The following C20orf203 variants were observed in gnomAD, a reference collection of about 807,000 sequenced individuals.
C20orf203 encodes the protein uncharacterized protein C20orf203.
In C20orf203, 16 loss-of-function variants were observed where a neutral mutation model predicts 15.9. The observed-to-expected ratio is 1.01, with a 90% CI of 0.68 to 1.53. C20orf203 has a LOEUF of 1.53. Among genes scored for constraint, C20orf203 ranks in the 40% most tolerant of loss-of-function variants. The pLI is 0.00. For missense variants in C20orf203, 263 were observed against 247.5 expected, an observed-to-expected ratio of 1.06 and a Z score of -0.42; for synonymous variants, 98 against 97.2, an observed-to-expected ratio of 1.01 and a Z score of -0.05.
intron 1 of C20orf203, among the ~76,000 whole-genome samples, chr20:32,653,035 C>T (rs774973456): frequency 1.2e-4 from 18 of 152,214 alleles, no homozygotes; most frequent in Non-Finnish European, 2.5e-4. Flanking sequence ...GGAAAATAGG[C>T]GCTGCTCTCA....
Position 32,632,695 on chromosome 20 carries a change from A to T in C20orf203, c.*2875T>A, listed in dbSNP as rs1314670914. 6.6e-6 allele frequency: 1 copy of T among 152,228 alleles called. No homozygotes were observed. The highest frequency in any genetic ancestry group is 1.9e-4 in the East Asian group (1 of 5,174). The allele number at this position is 152,228 out of a possible 1,614,324, so 9.4% of individuals were successfully genotyped here. On this transcript the variant is annotated 3_prime_UTR_variant, in exon 6 of 6. Coordinates refer to ENST00000608990, the MANE Select transcript of C20orf203 (RefSeq NM_182584.4). ...AAGTCTTTAGTATTCATGTAACCAG[A>T]TCTAGAATTCTGGCTCCATGGTTTT...
At chr20:32,657,974 A>C (rs1397627528) in intron 1 of C20orf203, 1 of 152,110 alleles carries the variant, frequency 6.6e-6, no homozygotes, top group Non-Finnish European at 1.5e-5. Context: ...CAAACCTAAA[A>C]AAAAAAAAAG....
chr20:32,660,514 A>G (rs1330956100), intron 1 of C20orf203, among the ~76,000 whole-genome samples: 1 of 152,226 alleles, frequency 6.6e-6, no homozygotes, highest in Non-Finnish European at 1.5e-5. Flanking sequence ...ATGACCTGCC[A>G]GGCACTGACT....
Position 32,633,373 on chromosome 20 carries a change from G to A in C20orf203, c.*2197C>T, listed in dbSNP as rs1357983950. 4 of 152,206 alleles carry A rather than the reference G, an allele frequency of 2.6e-5. No individual in the cohort carries two copies. The highest frequency in any genetic ancestry group is 2.0e-4 in the Admixed American group (3 of 15,300). 9.4% of individuals were successfully genotyped at this position (152,206 alleles called of 1,614,324 possible). A position where few individuals can be genotyped will look rare whatever the true frequency, so the allele number is the denominator to read the frequency against. On this transcript the variant is annotated 3_prime_UTR_variant, in exon 6 of 6. Transcript: ENST00000608990. Reference sequence around the variant, plus strand: ...ACTCTAGGAGGACAATGATCATATAGTAAGTGTCTCCTCTGTGCCTGCCCC... The same window carrying A: ...ACTCTAGGAGGACAATGATCATATAATAAGTGTCTCCTCTGTGCCTGCCCC...
intron 1 of C20orf203, among the ~76,000 whole-genome samples, chr20:32,664,101 C>G (rs1982962600): frequency 6.6e-6 from 1 of 152,194 alleles, no homozygotes; most frequent in South Asian, 2.1e-4. Context: ...TCTCAGCCTC[C>G]CCATGTGGGA....
chr20:32,634,852 T>C lies in C20orf203; in HGVS notation c.*1300-582A>G, dbSNP rs1472738005. ...TATTAGGAAGAAATGTGTCAAATGC[T>C]TCACAGTGGTTATCTCTGGTGATGG... On this transcript the variant is annotated intron_variant, in intron 5 of 5. Coordinates refer to ENST00000608990, the MANE Select transcript of C20orf203 (RefSeq NM_182584.4). 2.6e-5 allele frequency among the ~76,000 whole-genome samples: 4 copies of C among 152,226 alleles called. No individual in the cohort carries two copies. The South Asian group carries it at 8.3e-4, about 31-fold the overall frequency.
In C20orf203 at chr20:32,662,375, G is replaced by A. The variant is rs187041263; in HGVS notation, c.-263-10394C>T. Reference sequence around the variant, plus strand: ...GCACTTTGGGAGGTCAAGGGGGCAGGCAGATCACCTGAGGTCCAGAGTTCA... The same window carrying A: ...GCACTTTGGGAGGTCAAGGGGGCAGACAGATCACCTGAGGTCCAGAGTTCA... On this transcript the variant is annotated intron_variant, in intron 1 of 5. Transcript: ENST00000608990. 5.9e-5 allele frequency among the ~76,000 whole-genome samples: 9 copies of A among 152,284 alleles called. No individual in the cohort carries two copies. In the East Asian group the frequency reaches 1.7e-3, roughly 29 times the overall value.
At chr20:32,661,115 G>A (rs1205541510) in intron 1 of C20orf203, among the ~76,000 whole-genome samples, 1 of 152,146 alleles carries the variant, frequency 6.6e-6, no homozygotes, top group African/African-American at 2.4e-5. Flanking sequence ...GAGACCCACT[G>A]TGCGGGAGGC....
chr20:32,653,233 G>A (rs1332969763), intron 1 of C20orf203, among the ~76,000 whole-genome samples: 1 of 152,164 alleles, frequency 6.6e-6, no homozygotes, highest in African/African-American at 2.4e-5. Flanking sequence ...GAAAACCAAG[G>A]CCCAGAGGGA....
At chr20:32,639,450 C>G (rs896526069) in intron 5 of C20orf203, among the ~76,000 whole-genome samples, 2 of 152,232 alleles carry the variant, frequency 1.3e-5, no homozygotes, top group Admixed American at 6.5e-5. Context: ...CCTCCCTGAG[C>G]CTCAGTTTCC....
chr20:32,651,304 G>T (rs770545115), intron 2 of C20orf203, 138 bp from the exon 3 acceptor site: 4 of 397,770 alleles, frequency 1.0e-5, no homozygotes, highest in Non-Finnish European at 1.8e-5. Flanking sequence ...AGCCATGATC[G>T]CCCCACTACA....
intron 1 of C20orf203, among the ~76,000 whole-genome samples, chr20:32,665,963 T>C (rs1040601678): frequency 6.6e-6 from 1 of 150,914 alleles, no homozygotes; most frequent in Non-Finnish European, 1.5e-5. Context: ...AAAACCACTT[T>C]TTTTAAAAGA....
At position 32,650,881 on chromosome 20, in the gene C20orf203, C is replaced by T. The variant is rs1362221767; in HGVS notation, c.136G>A (p.Ala46Thr). The T allele has an allele frequency of 2.1e-6, 3 of 1,449,892 alleles. No homozygotes were observed. The highest frequency in any genetic ancestry group is 1.5e-5 in the South Asian group (1 of 68,410). The allele number at this position is 1,449,892 out of a possible 1,614,324, so 89.8% of individuals were successfully genotyped here. A position where few individuals can be genotyped will look rare whatever the true frequency, so the allele number is the denominator to read the frequency against. Residue 46 changes from alanine (A) to threonine (T), a missense_variant and splice_region_variant, in exon 4 of 6, where the codon GCC becomes ACC. Transcript: ENST00000608990. ...GTGAGTCCAGCCAAGACTGATGTGG[C>T]CTGTTGGGAACAAGGCCCCCAAGAA... ...PFTKTGMLSR[A>T]TSVLAGLTAH...
At chr20:32,666,797 T>TTATA (rs34933326) in intron 1 of C20orf203, among the ~76,000 whole-genome samples, 1,427 of 65,556 alleles carry the variant, frequency 0.022, 98 homozygotes, top group East Asian at 0.069. Context: ...TAATTTTAAT[T>TTATA]TATATATATA....
rs553226542 is a variant in C20orf203 at position 32,633,781 on chromosome 20, A to G, written c.*1789T>C. 1.1e-5 allele frequency: 4 copies of G among 364,052 alleles called. No homozygotes were observed. Among genetic ancestry groups the G allele is most frequent in the Non-Finnish European group, 2.0e-5 (4 of 204,648 alleles). 22.6% of individuals were successfully genotyped at this position (364,052 alleles called of 1,614,324 possible). On this transcript the variant is annotated 3_prime_UTR_variant, in exon 6 of 6. Coordinates refer to ENST00000608990, the MANE Select transcript of C20orf203 (RefSeq NM_182584.4). ...GACTCCTCCGGCCAGTCGCCCTGAC[A>G]GCCCCCTCACCGCGTTGCACTACCT...
intron 1 of C20orf203, among the ~76,000 whole-genome samples, chr20:32,655,734 A>T (rs1183833761): frequency 6.6e-6 from 1 of 152,232 alleles, no homozygotes; most frequent in Non-Finnish European, 1.5e-5. Flanking sequence ...TGGAGGTTGC[A>T]GTGAGCCAAG....
At position 32,640,034 on chromosome 20, in the gene C20orf203, G is replaced by A. The variant is rs192281554; in HGVS notation, c.*1299+532C>T. 1.1e-3 allele frequency among the ~76,000 whole-genome samples: 166 copies of A among 152,288 alleles called. 1 individual carries two copies. Among genetic ancestry groups the A allele is most frequent in the African/African-American group, 3.8e-3 (157 of 41,540 alleles). On this transcript the variant is annotated intron_variant, in intron 5 of 5. Transcript: ENST00000608990. ...ACCCCAATTTATAAATGGAGAGACTGAGGCTCCAAGAGGTCCCACAGCCAG... is the reference window on the plus strand; with the variant it reads ...ACCCCAATTTATAAATGGAGAGACTAAGGCTCCAAGAGGTCCCACAGCCAG...
chr20:32,668,944 C>A (rs1983099350), intron 1 of C20orf203, among the ~76,000 whole-genome samples: 1 of 152,184 alleles, frequency 6.6e-6, no homozygotes, highest in African/African-American at 2.4e-5. Flanking sequence ...GGTGCCACGT[C>A]CACAGCTTGG....
Position 32,633,787 on chromosome 20 carries a change from C to T in C20orf203, c.*1783G>A, listed in dbSNP as rs1298760940. ...TCCGGCCAGTCGCCCTGACAGCCCC[C>T]TCACCGCGTTGCACTACCTGGTCCC... On this transcript the variant is annotated 3_prime_UTR_variant, in exon 6 of 6. Coordinates refer to ENST00000608990, the MANE Select transcript of C20orf203 (RefSeq NM_182584.4). 2.7e-6 allele frequency: 1 copy of T among 369,620 alleles called. No individual in the cohort carries two copies. Among genetic ancestry groups the T allele is most frequent in the African/African-American group, 2.1e-5 (1 of 48,008 alleles). 22.9% of individuals were successfully genotyped at this position (369,620 alleles called of 1,614,324 possible). A position where few individuals can be genotyped will look rare whatever the true frequency, so the allele number is the denominator to read the frequency against.
Sources: gnomAD v4.1 joint callset for allele counts (sites outside exome capture counted in the v4.1 genomes callset) on GRCh38, gnomAD v4.1.1 for gene constraint, MANE v1.5 for transcripts, NCBI Gene and HGNC (gene_info 2026-07-23, HGNC 2026-07-21) for gene names.